ABCA1: variants seen among roughly 807,000 people sequenced by gnomAD.
ABCA1 encodes the protein ATP binding cassette subfamily A member 1, also known as phospholipid-transporting ATPase ABCA1.
A neutral mutation model predicts 262.5 loss-of-function variants in ABCA1; 133 were observed. The ratio of observed to expected loss-of-function variants is 0.51; its 90% CI spans 0.44 to 0.59. The LOEUF (loss-of-function observed/expected upper bound fraction) is 0.59, where lower values mean the gene tolerates loss of function less well. Ranked by LOEUF, ABCA1 falls within the 20% of genes least tolerant of loss-of-function variation. The probability of loss-of-function intolerance (pLI) is 0.00; values close to 1 mark genes in which losing one functional copy is unlikely to be tolerated. For synonymous variants in ABCA1, 1,022 were observed against 1,043.5 expected, an observed-to-expected ratio of 0.98 and a Z score of 0.40; for missense variants, 2,452 against 2,777.5, an observed-to-expected ratio of 0.88 and a Z score of 2.63.
intron 1 of ABCA1, among the ~76,000 whole-genome samples, chr9:104,922,429 C>T (rs947840837): frequency 1.3e-5 from 2 of 152,172 alleles, no homozygotes; most frequent in Admixed American, 6.5e-5. Flanking sequence ...GGAAGCCAAA[C>T]TGTCTGGGAT....
At chr9:104,786,146 C>T in intron 48 of ABCA1, 152 bp downstream of exon 48, 1 of 682,926 alleles carries the variant, frequency 1.5e-6, no homozygotes, top group South Asian at 1.8e-5. Flanking sequence ...AATTTGAATG[C>T]AGTTCGGACT....
In ABCA1 at chr9:104,827,137, G is replaced by A. The variant is rs536610503; in HGVS notation, c.2148C>T (p.Ser716=). ...LGNLLPYSDP[S]VVFVFLSVFA... ...ACACGGACAGGAAGACAAACACCAC[G>A]CTGGGATCACTGTAGGGCAGCAGGT... The change falls in exon 16 of 50, where the codon AGC becomes AGT. Residue 716 remains serine, a synonymous_variant. Transcript: ENST00000374736. 3.8e-5 allele frequency: 61 copies of A among 1,614,168 alleles called. No homozygotes were observed. In the East Asian group the frequency reaches 1.1e-3, roughly 30 times the overall value.
chr9:104,902,550 GC>G (rs1420827565), intron 2 of ABCA1, among the ~76,000 whole-genome samples: 2 of 152,136 alleles, frequency 1.3e-5, no homozygotes, highest in Non-Finnish European at 2.9e-5. Context: ...AATTTTGGCT[GC>G]ACTTAATTTG....
intron 27 of ABCA1, 23 bp downstream of exon 27, chr9:104,814,095 T>C: frequency 2.5e-6 from 4 of 1,605,922 alleles, no homozygotes; most frequent in Non-Finnish European, 3.4e-6. Context: ...AGTAGGACAC[T>C]GTTTGATCTT....
At chr9:104,863,666 A>G (rs533327587) in intron 5 of ABCA1, among the ~76,000 whole-genome samples, 1 of 152,362 alleles carries the variant, frequency 6.6e-6, no homozygotes, top group South Asian at 2.1e-4. Flanking sequence ...GAATAAATTG[A>G]GCAAGATTTA....
In ABCA1 at chr9:104,884,526, G is replaced by A; in HGVS notation, c.203C>T (p.Pro68Leu). The A allele has an allele frequency of 6.2e-7, 1 of 1,614,236 alleles. No individual in the cohort carries two copies. The highest frequency in any genetic ancestry group is 1.6e-4 in the Middle Eastern group (1 of 6,062). ...ATTACAGATAATCCCCTGAACCCAA[G>A]GAAGTGTTCCTGCAGAGGGCATGGC... ...NKAMPSAGTL[P>L]WVQGIICNAN... The change falls in exon 4 of 50, where the codon CCT becomes CTT. Residue 68 changes from proline to leucine, a missense_variant. Physicochemically the swap from Pro to Leu is moderately conservative, Grantham distance 98 (BLOSUM62 -3). Around this residue, in one of 4 missense-constraint regions of ABCA1, gnomAD observed 1,032 missense variants for 1,089.7 expected, o/e 0.95. Transcript: ENST00000374736.
At chr9:104,863,055 T>C (rs1836776414) in intron 5 of ABCA1, among the ~76,000 whole-genome samples, 1 of 152,042 alleles carries the variant, frequency 6.6e-6, no homozygotes. Context: ...TAATAGGCCC[T>C]CTGAGTACAG....
intron 1 of ABCA1, 71 bp from the exon 2 acceptor site, chr9:104,903,842 T>G (rs1466241906): frequency 8.7e-6 from 6 of 690,724 alleles, no homozygotes; most frequent in Non-Finnish European, 1.3e-5. Flanking sequence ...TGAGGACTGC[T>G]AATCCAGCCC....
intron 7 of ABCA1, among the ~76,000 whole-genome samples, chr9:104,858,176 C>CT (rs575927535): frequency 1.5e-4 from 22 of 147,024 alleles, no homozygotes; most frequent in Middle Eastern, 3.5e-3. Context: ...GGTTTCAAGA[C>CT]TTTTTTTTTT....
intron 1 of ABCA1, among the ~76,000 whole-genome samples, chr9:104,914,335 G>A (rs558533575): frequency 6.6e-6 from 1 of 151,702 alleles, no homozygotes; most frequent in East Asian, 2.0e-4. Flanking sequence ...AAAAGTAGCT[G>A]GGCATGGTAG....
At chr9:104,824,359 T>C (rs1832635338) in intron 18 of ABCA1, 106 bp downstream of exon 18, 3 of 1,564,098 alleles carry the variant, frequency 1.9e-6, no homozygotes, top group East Asian at 4.6e-5. Flanking sequence ...GCCCCTGGAG[T>C]GGTTTCACAG....
At position 104,782,756 on chromosome 9, in the gene ABCA1, G is replaced by A. The variant is rs1037899781; in HGVS notation, c.*1559C>T. ...CCATAAACACAAGTTGTGTTTTTCA[G>A]CAAGTTTTCAAGCTAGCTGTTTTCC... is the stretch of plus-strand genomic sequence containing the variant. On this transcript the variant is annotated 3_prime_UTR_variant, in exon 50 of 50. Coordinates refer to ENST00000374736, the MANE Select transcript of ABCA1 (RefSeq NM_005502.4). The A allele has an allele frequency of 2.0e-5, 3 of 151,632 alleles. No homozygotes were observed. Among genetic ancestry groups the A allele is most frequent in the African/African-American group, 7.3e-5 (3 of 41,202 alleles). The allele number at this position is 151,632 out of a possible 1,614,324, so 9.4% of individuals were successfully genotyped here.
intron 3 of ABCA1, among the ~76,000 whole-genome samples, chr9:104,887,327 A>G (rs1392709308): frequency 1.3e-5 from 2 of 152,172 alleles, no homozygotes; most frequent in Non-Finnish European, 2.9e-5. Flanking sequence ...CTCATTTACC[A>G]TCAGTATATA....
At chr9:104,844,042 C>T (rs1045456991) in intron 8 of ABCA1, among the ~76,000 whole-genome samples, 2 of 146,216 alleles carry the variant, frequency 1.4e-5, no homozygotes, top group Non-Finnish European at 3.0e-5. Context: ...AAAAAAAAAA[C>T]CAGGGCCAGT....
At chr9:104,825,975 T>G in intron 16 of ABCA1, 88 bp from the exon 17 acceptor site, 13 of 1,395,284 alleles carry the variant, frequency 9.3e-6, no homozygotes, top group South Asian at 3.6e-5. Context: ...CTGGAGAAAT[T>G]TGAATTTGCA....
In ABCA1 at chr9:104,806,313, C is replaced by G; in HGVS notation, c.4392G>C (p.Gln1464His). ...TCTTCTTGATTTTGTCGCTGCTACA[C>G]TGGCATGCAGGTGAAGGGTTCTGCA... Reference protein sequence around the residue: ...WTMQNPSPACQCSSDKIKKML... With the variant: ...WTMQNPSPACHCSSDKIKKML... Residue 1464 changes from glutamine (Q) to histidine (H), a missense_variant, in exon 31 of 50, where the codon CAG becomes CAC. Around this residue, in one of 4 missense-constraint regions of ABCA1, gnomAD observed 665 missense variants for 727.3 expected, o/e 0.91. Transcript: ENST00000374736. 1 of 1,614,194 alleles carries G rather than the reference C, an allele frequency of 6.2e-7. No individual in the cohort carries two copies. Among genetic ancestry groups the G allele is most frequent in the Non-Finnish European group, 8.5e-7 (1 of 1,180,044 alleles).
chr9:104,831,041 G>A lies in ABCA1; in HGVS notation c.1776C>T (p.Gly592=), dbSNP rs1564147275. ...PFEDMRYVWG[G]FAYLQDVVEQ... ...CCACCACATCCTGCAAGTAGGCGAA[G>A]CCCCCCCAGACGTACCGCATGTCCT... Residue 592 remains glycine, a synonymous_variant, in exon 14 of 50, where the codon GGC becomes GGT. Coordinates refer to ENST00000374736, the MANE Select transcript of ABCA1 (RefSeq NM_005502.4). 1.2e-6 allele frequency: 2 copies of A among 1,612,732 alleles called. No homozygotes were observed. The highest frequency in any genetic ancestry group is 2.2e-5 in the South Asian group (2 of 91,018).
chr9:104,827,481 A>G (rs1005966652), intron 15 of ABCA1, among the ~76,000 whole-genome samples: 3 of 152,192 alleles, frequency 2.0e-5, no homozygotes, highest in Admixed American at 6.5e-5. Flanking sequence ...TTCTCCTTAT[A>G]TAAGGACTAT....
intron 1 of ABCA1, among the ~76,000 whole-genome samples, chr9:104,924,445 A>C (rs1411209244): frequency 6.6e-6 from 1 of 152,040 alleles, no homozygotes; most frequent in African/African-American, 2.4e-5. Flanking sequence ...CCCTGTCCCT[A>C]CTAAAAACAC....
Sources: allele counts gnomAD v4.1 joint callset (sites outside exome capture counted in the v4.1 genomes callset), GRCh38; gene constraint gnomAD v4.1.1; regional missense constraint gnomAD v4.1.1; transcripts MANE v1.5; gene names NCBI Gene and HGNC (gene_info 2026-07-23, HGNC 2026-07-21).